Variants in PTPRM observed in about 807,000 individuals in gnomAD.
PTPRM encodes protein tyrosine phosphatase receptor type M, also known as receptor-type tyrosine-protein phosphatase mu.
Under a neutral mutation model 186.7 loss-of-function variants are expected in PTPRM, and 47 were observed. That is an observed-to-expected ratio of 0.25 (90% CI 0.20 to 0.32). The LOEUF (loss-of-function observed/expected upper bound fraction) is 0.32. PTPRM is among the 10% of genes least tolerant of loss of function. PTPRM has a pLI of 1.00. For missense variants in PTPRM, 1,494 were observed against 1,865.0 expected (o/e 0.80, Z 3.66); for synonymous variants, 668 against 674.9 (o/e 0.99, Z 0.16).
intron 1 of PTPRM, among the ~76,000 whole-genome samples, chr18:7,583,156 C>G (rs62089797): frequency 2.6e-5 from 4 of 152,170 alleles, no homozygotes; most frequent in South Asian, 2.1e-4. Flanking sequence ...TTCCTCAGCC[C>G]CAGTTTTTCT....
rs2094421836 is a variant in PTPRM, at chr18:8,240,788, GAGAGAGA to G, written c.2301-3269_2301-3263del. Among the ~76,000 whole-genome samples, 183 of 75,242 alleles carry G rather than the reference GAGAGAGA, an allele frequency of 2.4e-3. 4 individuals carry two copies. Among genetic ancestry groups the G allele is most frequent in the Middle Eastern group, 8.2e-3 (1 of 122 alleles). The allele number at this position is 75,242 out of a possible 152,430, so 49.4% of individuals were successfully genotyped here. On this transcript the variant is annotated intron_variant, in intron 14 of 32. Transcript: ENST00000580170. ...AGGGAGAGAGAGAGGGAGAGAGAGAGAGAGAGAGAGAGAGAGAGAGAGAGAGAGAGAG... is the reference window on the plus strand; with the variant it reads ...AGGGAGAGAGAGAGGGAGAGAGAGAGGAGAGAGAGAGAGAGAGAGAGAGAG...
intron 23 of PTPRM, among the ~76,000 whole-genome samples, chr18:8,344,171 A>G (rs73382254): frequency 0.014 from 2,074 of 152,170 alleles, 56 homozygotes; most frequent in African/African-American, 0.048. Flanking sequence ...TTTTTACAGT[A>G]GGTTGAATTC....
At chr18:7,585,786 T>A (rs542343219) in intron 1 of PTPRM, among the ~76,000 whole-genome samples, 3 of 152,198 alleles carry the variant, frequency 2.0e-5, no homozygotes, top group Non-Finnish European at 4.4e-5. Context: ...ATTTCTCCTC[T>A]GCAGATGTGG....
At chr18:8,044,354 CTAG>C (rs1224678691) in intron 7 of PTPRM, among the ~76,000 whole-genome samples, 1 of 152,174 alleles carries the variant, frequency 6.6e-6, no homozygotes, top group African/African-American at 2.4e-5. Context: ...TTTTCTGCAA[CTAG>C]AGGTAAATTA....
chr18:7,571,276 G>T (rs2036561142), intron 1 of PTPRM, among the ~76,000 whole-genome samples: 1 of 152,084 alleles, frequency 6.6e-6, no homozygotes, highest in Non-Finnish European at 1.5e-5. Context: ...TTTCTAATTT[G>T]TTAGGCAAAA....
chr18:7,907,461 G>T (rs1272499827), intron 4 of PTPRM, among the ~76,000 whole-genome samples: 1 of 152,214 alleles, frequency 6.6e-6, no homozygotes, highest in Non-Finnish European at 1.5e-5. Flanking sequence ...TATGGCAGGG[G>T]AGCCAGCTGC....
intron 7 of PTPRM, among the ~76,000 whole-genome samples, chr18:8,056,761 A>G (rs573120916): frequency 6.6e-6 from 1 of 151,856 alleles, no homozygotes; most frequent in African/African-American, 2.4e-5. Flanking sequence ...CAAAAAAAAA[A>G]AAAATGGAAC....
At chr18:8,221,948 T>G (rs1380769234) in intron 14 of PTPRM, among the ~76,000 whole-genome samples, 1 of 152,238 alleles carries the variant, frequency 6.6e-6, no homozygotes, top group African/African-American at 2.4e-5. Context: ...TCATTGTTTC[T>G]GTACCTCACT....
At chr18:7,722,845 C>T (rs62090866) in intron 1 of PTPRM, among the ~76,000 whole-genome samples, 5 of 152,120 alleles carry the variant, frequency 3.3e-5, no homozygotes, top group South Asian at 4.2e-4. Flanking sequence ...TCATGTAAAT[C>T]GGTACGCAAA....
At chr18:8,205,181 A>G (rs374378976) in intron 14 of PTPRM, among the ~76,000 whole-genome samples, 1 of 152,232 alleles carries the variant, frequency 6.6e-6, no homozygotes. Context: ...ACATTAATAA[A>G]TAGAAAGCTT....
intron 8 of PTPRM, 50 bp downstream of exon 8, chr18:8,070,044 A>G (rs2089364473): frequency 1.3e-6 from 2 of 1,515,374 alleles, no homozygotes; most frequent in Non-Finnish European, 1.8e-6. Context: ...CTTTCAAAAA[A>G]CAACTTTTGT....
intron 23 of PTPRM, among the ~76,000 whole-genome samples, chr18:8,368,228 C>G (rs2095643893): frequency 6.6e-6 from 1 of 150,924 alleles, no homozygotes; most frequent in South Asian, 2.1e-4. Flanking sequence ...TAACTGGCAT[C>G]GTGAAAGTAT....
chr18:7,735,982 G>T (rs1194148488), intron 1 of PTPRM, among the ~76,000 whole-genome samples: 1 of 151,602 alleles, frequency 6.6e-6, no homozygotes, highest in East Asian at 1.9e-4. Flanking sequence ...AAAATATGTA[G>T]TATTGATTGA....
At chr18:8,228,765 A>C (rs2094247571) in intron 14 of PTPRM, among the ~76,000 whole-genome samples, 1 of 152,056 alleles carries the variant, frequency 6.6e-6, no homozygotes, top group South Asian at 2.1e-4. Flanking sequence ...AGGCAGGAGA[A>C]TCGCTTGAAC....
chr18:7,731,475 T>A (rs1183434769), intron 1 of PTPRM, among the ~76,000 whole-genome samples: 2 of 152,058 alleles, frequency 1.3e-5, no homozygotes, highest in Non-Finnish European at 2.9e-5. Context: ...AATAGTAGAG[T>A]TAGGAGGGCA....
chr18:8,187,466 G>T (rs973935843), intron 14 of PTPRM, among the ~76,000 whole-genome samples: 2 of 152,214 alleles, frequency 1.3e-5, no homozygotes, highest in African/African-American at 4.8e-5. Flanking sequence ...ACTGCCTGGT[G>T]CCTTTAGGTC....
intron 5 of PTPRM, among the ~76,000 whole-genome samples, chr18:7,937,676 T>C (rs1167269253): frequency 1.3e-5 from 2 of 152,202 alleles, no homozygotes; most frequent in African/African-American, 4.8e-5. Context: ...CCATTGATGA[T>C]CATTGCCTTG....
intron 2 of PTPRM, among the ~76,000 whole-genome samples, chr18:7,806,557 A>T (rs1292575800): frequency 6.6e-6 from 1 of 152,226 alleles, no homozygotes; most frequent in Non-Finnish European, 1.5e-5. Context: ...TGACTGATTT[A>T]TGAGCAAAAA....
At chr18:8,119,292 T>G (rs2092082879) in intron 13 of PTPRM, among the ~76,000 whole-genome samples, 1 of 152,196 alleles carries the variant, frequency 6.6e-6, no homozygotes, top group African/African-American at 2.4e-5. Flanking sequence ...GAGAAGTTTC[T>G]ACAGACTGTT....
Sources: allele counts gnomAD v4.1 joint callset (sites outside exome capture counted in the v4.1 genomes callset), GRCh38; gene constraint gnomAD v4.1.1; transcripts MANE v1.5; gene names NCBI Gene and HGNC (gene_info 2026-07-23, HGNC 2026-07-21).